The following SV2C variants were observed in gnomAD, a reference collection of about 807,000 sequenced individuals.
The protein encoded by SV2C is solute carrier family 22 member B3.
In SV2C, 49 loss-of-function variants were observed where a neutral mutation model predicts 79.7. The ratio of observed to expected loss-of-function variants is 0.61; its 90% confidence interval spans 0.49 to 0.78. The LOEUF (loss-of-function observed/expected upper bound fraction) is 0.78, where lower values mean the gene tolerates loss of function less well. Ranked by LOEUF, SV2C falls within the 30% of genes least tolerant of loss-of-function variation. The probability of loss-of-function intolerance (pLI) is 0.00; values close to 1 mark genes in which losing one functional copy is unlikely to be tolerated. For synonymous variants in SV2C, 334 were observed against 333.2 expected, an observed-to-expected ratio of 1.00 and a Z score of -0.03; for missense variants, 833 against 912.9, an observed-to-expected ratio of 0.91 and a Z score of 1.13.
the SV2C span, among the ~76,000 whole-genome samples, chr5:75,853,607 CAAAA>C: frequency 1.6e-3 from 46 of 28,470 alleles, no homozygotes; most frequent in East Asian, 7.2e-3. Context: ...GACTCCGTCT[CAAAA>C]AAAAAAAAAA....
chr5:75,924,350 C>T, the SV2C span, among the ~76,000 whole-genome samples: 1 of 152,090 alleles, frequency 6.6e-6, no homozygotes, highest in Non-Finnish European at 1.5e-5. Flanking sequence ...CAGGAATCAC[C>T]ACTAAAGTAC....
intron 4 of SV2C, among the ~76,000 whole-genome samples, chr5:76,238,031 C>T (rs1226397666): frequency 2.3e-5 from 2 of 86,972 alleles, no homozygotes; most frequent in African/African-American, 9.1e-5. Context: ...CACACATACA[C>T]ACACACACAC....
chr5:75,947,306 A>C, the SV2C span, among the ~76,000 whole-genome samples: 1 of 152,036 alleles, frequency 6.6e-6, no homozygotes. Context: ...ATGTCTTTGG[A>C]GGTTGTTCAA....
At chr5:76,295,666 A>T in intron 8 of SV2C, 112 bp from the exon 9 acceptor site, 1 of 1,006,486 alleles carries the variant, frequency 9.9e-7, no homozygotes, top group Non-Finnish European at 1.5e-6. Context: ...ATAATGTTAT[A>T]GGGAGCCAGC....
the SV2C span, among the ~76,000 whole-genome samples, chr5:75,898,852 G>T: frequency 4.6e-5 from 7 of 152,314 alleles, no homozygotes; most frequent in East Asian, 7.7e-4. Context: ...TAGTTGATTT[G>T]CGTAGAGGTG....
chr5:76,177,744 G>A (rs1743585432), intron 2 of SV2C, among the ~76,000 whole-genome samples: 2 of 151,832 alleles, frequency 1.3e-5, no homozygotes, highest in South Asian at 4.2e-4. Flanking sequence ...TTTGGAACTT[G>A]GACAAGGCTT....
At chr5:76,098,844 A>G (rs1403178012) in intron 1 of SV2C, among the ~76,000 whole-genome samples, 2 of 152,240 alleles carry the variant, frequency 1.3e-5, no homozygotes, top group African/African-American at 2.4e-5. Context: ...ATTTAATATC[A>G]GGAGAATGAT....
intron 3 of SV2C, among the ~76,000 whole-genome samples, chr5:76,195,702 A>T (rs1436019321): frequency 6.6e-6 from 1 of 152,218 alleles, no homozygotes; most frequent in African/African-American, 2.4e-5. Flanking sequence ...TACTAAATGA[A>T]TCCATAAGCA....
chr5:76,280,372 C>G (rs1747148485), intron 4 of SV2C, among the ~76,000 whole-genome samples: 1 of 152,108 alleles, frequency 6.6e-6, no homozygotes, highest in South Asian at 2.1e-4. Context: ...GAATCTACAC[C>G]TGAAGAAACG....
At chr5:76,270,095 C>T (rs1176251920) in intron 4 of SV2C, among the ~76,000 whole-genome samples, 1 of 152,196 alleles carries the variant, frequency 6.6e-6, no homozygotes, top group African/African-American at 2.4e-5. Context: ...ATTTGAATGT[C>T]TCCTGCAGGG....
At chr5:75,869,385 T>G in the SV2C span, among the ~76,000 whole-genome samples, 1 of 152,134 alleles carries the variant, frequency 6.6e-6, no homozygotes, top group African/African-American at 2.4e-5. Context: ...CCGGTGGGCC[T>G]GTGGTGGTAA....
At chr5:75,911,682 A>G in the SV2C span, 56 of 673,728 alleles carry the variant, frequency 8.3e-5, no homozygotes, top group Non-Finnish European at 1.3e-4. Flanking sequence ...CCTTAATGAC[A>G]TCTCAGATTG....
At chr5:75,919,819 A>G in the SV2C span, among the ~76,000 whole-genome samples, 1 of 152,230 alleles carries the variant, frequency 6.6e-6, no homozygotes, top group African/African-American at 2.4e-5. Context: ...ACAATTGTGT[A>G]CAGCATTCTC....
chr5:75,982,078 T>C, the SV2C span, among the ~76,000 whole-genome samples: 1 of 89,226 alleles, frequency 1.1e-5, no homozygotes, highest in Non-Finnish European at 2.1e-5. Flanking sequence ...TGGGGACTGT[T>C]GTGGGGTGGG....
At chr5:76,322,333 T>C (rs1748857020) in intron 12 of SV2C, among the ~76,000 whole-genome samples, 1 of 152,210 alleles carries the variant, frequency 6.6e-6, no homozygotes, top group South Asian at 2.1e-4. Flanking sequence ...TTACAAGGGC[T>C]GTGAAGGAAC....
chr5:76,175,956 C>G (rs530013586), intron 2 of SV2C, among the ~76,000 whole-genome samples: 1 of 152,058 alleles, frequency 6.6e-6, no homozygotes, highest in Admixed American at 6.6e-5. Context: ...CAGCATCATC[C>G]GAAAGTCTAT....
chr5:76,319,724 C>T (rs145389868), intron 12 of SV2C, among the ~76,000 whole-genome samples: 1 of 152,286 alleles, frequency 6.6e-6, no homozygotes, highest in East Asian at 1.9e-4. Flanking sequence ...TCCTCGAGTA[C>T]AGTTTCAGTG....
chr5:76,305,173 T>G (rs1182398387), intron 12 of SV2C, among the ~76,000 whole-genome samples: 3 of 152,128 alleles, frequency 2.0e-5, no homozygotes, highest in Non-Finnish European at 4.4e-5. Flanking sequence ...TCATGAGAAA[T>G]CTGCCCCCAT....
intron 10 of SV2C, among the ~76,000 whole-genome samples, chr5:76,300,205 G>T (rs1265363237): frequency 2.2e-5 from 3 of 138,264 alleles, no homozygotes; most frequent in African/African-American, 8.4e-5. Context: ...TGTAGAGATG[G>T]TGTCTCACTA....
Sources: gnomAD v4.1 joint callset for allele counts (sites outside exome capture counted in the v4.1 genomes callset) on GRCh38, gnomAD v4.1.1 for gene constraint, MANE v1.5 for transcripts, NCBI Gene and HGNC (gene_info 2026-07-23, HGNC 2026-07-21) for gene names.